SGIP1: variants seen among roughly 807,000 people sequenced by gnomAD.
The protein encoded by SGIP1 is SH3GL interacting endocytic adaptor 1.
SGIP1 carries 38 observed loss-of-function variants against 107.5 expected under a neutral mutation model. The observed-to-expected ratio is 0.35, with a 90% CI of 0.27 to 0.46. SGIP1 has a LOEUF of 0.46. Among genes scored for constraint, SGIP1 ranks in the 20% least tolerant of loss-of-function variants. SGIP1 has a pLI of 1.00. For synonymous variants in SGIP1, 365 were observed against 366.1 expected (o/e 1.00, Z 0.03); for missense variants, 929 against 1,019.5 (o/e 0.91, Z 1.21).
chr1:66,545,699 T>C lies in SGIP1; in HGVS notation c.10+11331T>C, dbSNP rs2056234687. ...ATACAGAGAGAAAGAGAGAGAGGAA[T>C]TTTTAAGTAAGGAATTGGCTCACAT... On this transcript the variant is annotated intron_variant, in intron 1 of 24. Transcript: ENST00000371037. Among the ~76,000 whole-genome samples, 3 of 147,456 alleles carry C rather than the reference T, an allele frequency of 2.0e-5. No homozygotes were observed. In the Admixed American group the frequency reaches 2.1e-4, roughly 10 times the overall value.
intron 20 of SGIP1, among the ~76,000 whole-genome samples, chr1:66,730,162 A>G (rs2093944299): frequency 6.6e-6 from 1 of 152,122 alleles, no homozygotes; most frequent in Admixed American, 6.5e-5. Flanking sequence ...CATAATAAAG[A>G]CATCAAATTC....
chr1:66,667,889 G>C (rs1164649227), intron 9 of SGIP1, among the ~76,000 whole-genome samples: 1 of 152,074 alleles, frequency 6.6e-6, no homozygotes, highest in African/African-American at 2.4e-5. Flanking sequence ...TGATAGCAAA[G>C]AGATAATAAA....
At chr1:66,688,253 G>A (rs2088945780) in intron 15 of SGIP1, among the ~76,000 whole-genome samples, 1 of 152,182 alleles carries the variant, frequency 6.6e-6, no homozygotes, top group African/African-American at 2.4e-5. Context: ...AACAAGAACG[G>A]TTTGAACGTT....
At chr1:66,544,532 CA>C (rs1489121478) in intron 1 of SGIP1, among the ~76,000 whole-genome samples, 2 of 152,052 alleles carry the variant, frequency 1.3e-5, no homozygotes, top group East Asian at 3.9e-4. Context: ...ACTAAAATTA[CA>C]AAAAAATTAG....
intron 1 of SGIP1, among the ~76,000 whole-genome samples, chr1:66,608,234 T>G (rs755042207): frequency 6.6e-6 from 1 of 152,228 alleles, no homozygotes; most frequent in Non-Finnish European, 1.5e-5. Flanking sequence ...CATGTGATAA[T>G]GCATGAAAAG....
intron 18 of SGIP1, among the ~76,000 whole-genome samples, chr1:66,706,013 T>C (rs934951810): frequency 6.6e-6 from 1 of 152,078 alleles, no homozygotes; most frequent in Non-Finnish European, 1.5e-5. Context: ...ATTCTGTACA[T>C]GTATCCCGGA....
At position 66,701,917 on chromosome 1, in the gene SGIP1, G is replaced by A. The variant is rs375275614; in HGVS notation, c.1630+6424G>A. Among the ~76,000 whole-genome samples, 93 of 152,366 alleles carry A rather than the reference G, an allele frequency of 6.1e-4. 2 individuals are homozygous for A. The highest frequency in any genetic ancestry group is 2.2e-3 in the African/African-American group (92 of 41,580). ...ATTCATGTTAGAATTCTACTGATGG[G>A]AAAGCTGGAGAGCAGGTGTGTTACC... On this transcript the variant is annotated intron_variant, in intron 18 of 24. Transcript: ENST00000371037.
At chr1:66,609,581 A>G (rs2067526940) in intron 1 of SGIP1, among the ~76,000 whole-genome samples, 1 of 152,224 alleles carries the variant, frequency 6.6e-6, no homozygotes, top group Admixed American at 6.5e-5. Context: ...TGGTGACTTC[A>G]TAACAGATTG....
intron 3 of SGIP1, among the ~76,000 whole-genome samples, chr1:66,634,796 G>A (rs1447556865): frequency 2.6e-5 from 4 of 152,182 alleles, no homozygotes; most frequent in African/African-American, 9.7e-5. Context: ...GACATTATTA[G>A]CCAGCTGCTG....
At chr1:66,679,219 A>G (rs1471704620) in intron 13 of SGIP1, among the ~76,000 whole-genome samples, 1 of 152,222 alleles carries the variant, frequency 6.6e-6, no homozygotes, top group East Asian at 1.9e-4. Flanking sequence ...ACTGGATTAA[A>G]AACCCCTCAC....
chr1:66,733,762 A>G lies in SGIP1; in HGVS notation c.1913A>G (p.Asn638Ser), dbSNP rs947780159. 6 of 1,612,886 alleles carry G rather than the reference A, an allele frequency of 3.7e-6. No individual in the cohort carries two copies. Among genetic ancestry groups the G allele is most frequent in the Non-Finnish European group, 5.1e-6 (6 of 1,179,460 alleles). The change falls in exon 21 of 25, where the codon AAT becomes AGT. Residue 638 changes from asparagine to serine, a missense_variant. Transcript: ENST00000371037. ...PQLLCCDNTQ[N>S]DANTKEFWVN... ...CAAATGAACAGTGATAATACACAAA[A>G]TGATGCCAATACCAAGGAATTCTGG...
chr1:66,608,863 T>A (rs1011962332), intron 1 of SGIP1, among the ~76,000 whole-genome samples: 1 of 152,214 alleles, frequency 6.6e-6, no homozygotes, highest in African/African-American at 2.4e-5. Context: ...CTTTGCTGTA[T>A]TTTTAGGGTG....
chr1:66,738,424 A>G (rs678253), intron 21 of SGIP1, among the ~76,000 whole-genome samples: 103,410 of 152,142 alleles, frequency 0.68, 36,040 homozygotes, highest in African/African-American at 0.75. Context: ...ACATGTACTC[A>G]TGAGAAGTGA....
chr1:66,613,129 G>A (rs948312938), intron 1 of SGIP1, among the ~76,000 whole-genome samples: 1 of 152,058 alleles, frequency 6.6e-6, no homozygotes, highest in Non-Finnish European at 1.5e-5. Context: ...TGGTGTTGTA[G>A]AAAACACTCT....
At chr1:66,656,156 A>G (rs2079740264) in intron 7 of SGIP1, among the ~76,000 whole-genome samples, 1 of 148,766 alleles carries the variant, frequency 6.7e-6, no homozygotes, top group African/African-American at 2.5e-5. Flanking sequence ...AGACACAAAC[A>G]CAAACATTAA....
chr1:66,725,965 T>C (rs1313096608), intron 19 of SGIP1, among the ~76,000 whole-genome samples: 1 of 152,228 alleles, frequency 6.6e-6, no homozygotes, highest in Admixed American at 6.5e-5. Flanking sequence ...TCCATCTGCA[T>C]TGCAAGATCT....
chr1:66,566,128 G>A (rs1214714119), intron 1 of SGIP1, among the ~76,000 whole-genome samples: 2 of 152,002 alleles, frequency 1.3e-5, no homozygotes, highest in African/African-American at 4.8e-5. Context: ...GCTAGAATAT[G>A]TTGGAACAAC....
At chr1:66,659,034 C>T (rs1424451036) in intron 7 of SGIP1, among the ~76,000 whole-genome samples, 1 of 152,086 alleles carries the variant, frequency 6.6e-6, no homozygotes, top group African/African-American at 2.4e-5. Context: ...TCATAGAAAG[C>T]CAACGGAGGA....
chr1:66,549,385 G>A (rs1160108832), intron 1 of SGIP1, among the ~76,000 whole-genome samples: 2 of 152,130 alleles, frequency 1.3e-5, no homozygotes, highest in East Asian at 3.9e-4. Context: ...TAGTGACAAT[G>A]ACATTAAAAT....
Sources: gnomAD v4.1 joint callset for allele counts (sites outside exome capture counted in the v4.1 genomes callset) on GRCh38, gnomAD v4.1.1 for gene constraint, MANE v1.5 for transcripts, NCBI Gene and HGNC (gene_info 2026-07-23, HGNC 2026-07-21) for gene names.